Variants in STARD13 observed in about 807,000 individuals in gnomAD.
The protein encoded by STARD13 is stAR-related lipid transfer protein 13.
Under a neutral mutation model 106.4 loss-of-function variants are expected in STARD13, and 62 were observed. The ratio of observed to expected loss-of-function variants is 0.58; its 90% CI spans 0.48 to 0.72. The LOEUF (loss-of-function observed/expected upper bound fraction) is 0.72. Among genes scored for constraint, STARD13 ranks in the 30% least tolerant of loss-of-function variants. STARD13 has a pLI of 0.00. For missense variants in STARD13, 1,387 were observed against 1,424.0 expected, an observed-to-expected ratio of 0.97 and a Z score of 0.42; for synonymous variants, 565 against 553.0, an observed-to-expected ratio of 1.02 and a Z score of -0.31.
chr13:33,498,433 G>A, the STARD13 span, among the ~76,000 whole-genome samples: 5 of 152,044 alleles, frequency 3.3e-5, no homozygotes, highest in Non-Finnish European at 5.9e-5. Context: ...TCATGAATTC[G>A]ACTTTTTAAA....
At chr13:33,325,665 A>C (rs1160640251) in intron 1 of STARD13, among the ~76,000 whole-genome samples, 1 of 152,168 alleles carries the variant, frequency 6.6e-6, no homozygotes, top group Non-Finnish European at 1.5e-5. Context: ...AGTCATCTTG[A>C]GTCCTGTGAA....
the STARD13 span, among the ~76,000 whole-genome samples, chr13:33,612,183 A>G: frequency 2.0e-5 from 3 of 152,200 alleles, no homozygotes; most frequent in East Asian, 1.9e-4. Flanking sequence ...TTTTTCCACT[A>G]TAGACAGCCC....
chr13:33,619,518 GT>G, the STARD13 span, among the ~76,000 whole-genome samples: 1 of 152,122 alleles, frequency 6.6e-6, no homozygotes, highest in Admixed American at 6.5e-5. Context: ...TAAATTAATA[GT>G]TTTTTGATAA....
At chr13:33,236,801 A>G (rs1203475087) in intron 1 of STARD13, among the ~76,000 whole-genome samples, 1 of 152,182 alleles carries the variant, frequency 6.6e-6, no homozygotes, top group Admixed American at 6.5e-5. Context: ...ATAGCTACTC[A>G]ATAGCTTTCT....
chr13:33,487,035 A>G, the STARD13 span, among the ~76,000 whole-genome samples: 3 of 152,200 alleles, frequency 2.0e-5, no homozygotes, highest in Non-Finnish European at 4.4e-5. Flanking sequence ...TTTAGAAAGT[A>G]TGGTTATTGG....
At chr13:33,238,104 T>G (rs1295323347) in intron 1 of STARD13, among the ~76,000 whole-genome samples, 1 of 152,190 alleles carries the variant, frequency 6.6e-6, no homozygotes, top group Admixed American at 6.5e-5. Flanking sequence ...GCTCAGATAA[T>G]CTAGGACTCT....
At chr13:33,360,005 G>T in the STARD13 span, among the ~76,000 whole-genome samples, 3 of 152,278 alleles carry the variant, frequency 2.0e-5, no homozygotes, top group South Asian at 6.2e-4. Flanking sequence ...AAAATAACTG[G>T]TCTCTGATTC....
At chr13:33,119,915 G>T (rs1876004881) in intron 7 of STARD13, among the ~76,000 whole-genome samples, 1 of 152,330 alleles carries the variant, frequency 6.6e-6, no homozygotes, top group East Asian at 1.9e-4. Context: ...GGCATGGAAA[G>T]AAAGCATGTA....
chr13:33,130,892 T>C lies in STARD13; in HGVS notation c.388-603A>G, dbSNP rs369973678. ...TTAAGTAGAGATGAGGGAGCCATTC[T>C]GGAGATCGCTATTTGTGATCCAATC... On this transcript the variant is annotated intron_variant, in intron 4 of 13. Coordinates refer to ENST00000336934, the MANE Select transcript of STARD13 (RefSeq NM_178006.4). The surrounding 1 kb of genome is among the most constrained non-coding windows in gnomAD (Gnocchi z 4.1). 1.1e-3 allele frequency among the ~76,000 whole-genome samples: 169 copies of C among 152,356 alleles called. 1 individual carries two copies. Among genetic ancestry groups the C allele is most frequent in the African/African-American group, 3.8e-3 (156 of 41,594 alleles).
intron 1 of STARD13, among the ~76,000 whole-genome samples, chr13:33,297,799 T>G (rs941848355): frequency 6.6e-6 from 1 of 152,178 alleles, no homozygotes; most frequent in Non-Finnish European, 1.5e-5. Context: ...ACCTCAGTCT[T>G]AGTTTATTTC....
chr13:33,297,945 T>G (rs1401707161), intron 1 of STARD13, among the ~76,000 whole-genome samples: 1 of 152,106 alleles, frequency 6.6e-6, no homozygotes, highest in Non-Finnish European at 1.5e-5. Context: ...TTCAAAATAA[T>G]TTCATCTAAG....
At chr13:33,516,015 A>C in the STARD13 span, among the ~76,000 whole-genome samples, 1 of 151,826 alleles carries the variant, frequency 6.6e-6, no homozygotes, top group East Asian at 1.9e-4. Flanking sequence ...ACAGTAACCC[A>C]GGTATGCATA....
At chr13:33,536,405 A>G in the STARD13 span, among the ~76,000 whole-genome samples, 1 of 152,240 alleles carries the variant, frequency 6.6e-6, no homozygotes, top group Non-Finnish European at 1.5e-5. Context: ...AAAATAATAA[A>G]GAAAACGAAG....
At chr13:33,350,698 T>G (rs544533087), upstream of STARD13, 1 of 1,119,642 alleles carries the variant, frequency 8.9e-7, no homozygotes, top group African/African-American at 1.6e-5. Context: ...TCCCCTCCGT[T>G]GGGCGCTCCT....
At chr13:33,658,557 G>C in the STARD13 span, among the ~76,000 whole-genome samples, 1 of 152,206 alleles carries the variant, frequency 6.6e-6, no homozygotes, top group African/African-American at 2.4e-5. Context: ...CTGACTCTTA[G>C]TCTGGAGTAT....
chr13:33,486,940 A>T, the STARD13 span, among the ~76,000 whole-genome samples: 6 of 152,240 alleles, frequency 3.9e-5, no homozygotes, highest in Non-Finnish European at 7.3e-5. Flanking sequence ...GACATTTTCT[A>T]TTGGAGAACA....
intron 1 of STARD13, among the ~76,000 whole-genome samples, chr13:33,176,240 T>G (rs921592157): frequency 1.6e-4 from 25 of 152,342 alleles, no homozygotes; most frequent in Middle Eastern, 6.8e-3. Flanking sequence ...TGAGTATACA[T>G]GAAAACTTGA....
chr13:33,365,590 T>C, the STARD13 span, among the ~76,000 whole-genome samples: 1 of 152,174 alleles, frequency 6.6e-6, no homozygotes, highest in Non-Finnish European at 1.5e-5. Flanking sequence ...CAAGATTATC[T>C]AGAAGATAAA....
chr13:33,622,897 C>A, the STARD13 span, among the ~76,000 whole-genome samples: 1 of 143,156 alleles, frequency 7.0e-6, no homozygotes. Flanking sequence ...TCTAGCCTGG[C>A]GACAGAGCAA....
Sources: gnomAD v4.1 joint callset for allele counts (sites outside exome capture counted in the v4.1 genomes callset) on GRCh38, gnomAD v4.1.1 for gene constraint, Gnocchi (gnomAD v3.1) non-coding constraint, MANE v1.5 for transcripts, NCBI Gene and HGNC (gene_info 2026-07-23, HGNC 2026-07-21) for gene names.